LPAR3: variants seen among roughly 807,000 people sequenced by gnomAD.
The protein encoded by LPAR3 is LPA receptor 3.
LPAR3 carries 7 observed loss-of-function variants against 17.8 expected under a neutral mutation model. The observed-to-expected ratio is 0.39, with a 90% CI of 0.22 to 0.74. The LOEUF (loss-of-function observed/expected upper bound fraction) is 0.74. Among genes scored for constraint, LPAR3 ranks in the 30% least tolerant of loss-of-function variants. The pLI is 0.40. For missense variants in LPAR3, 391 were observed against 453.4 expected (o/e 0.86, Z 1.25); for synonymous variants, 179 against 179.9 (o/e 0.99, Z 0.04).
At chr1:84,817,154 G>A (rs1435144839) in intron 2 of LPAR3, among the ~76,000 whole-genome samples, 1 of 152,020 alleles carries the variant, frequency 6.6e-6, no homozygotes, top group South Asian at 2.1e-4. Flanking sequence ...AGCAGTCATA[G>A]TCTGAGCATT....
intron 2 of LPAR3, among the ~76,000 whole-genome samples, chr1:84,819,616 T>C (rs1358423514): frequency 6.6e-6 from 1 of 152,204 alleles, no homozygotes; most frequent in Non-Finnish European, 1.5e-5. Flanking sequence ...AGCACAGTTT[T>C]TTCAAATGAG....
At chr1:84,849,114 C>T (rs920708080) in intron 2 of LPAR3, among the ~76,000 whole-genome samples, 143 of 152,070 alleles carry the variant, frequency 9.4e-4, no homozygotes, top group African/African-American at 3.2e-3. Flanking sequence ...CAGTGGCTCA[C>T]GCCTATAATC....
At chr1:84,817,960 C>T (rs191809815) in intron 2 of LPAR3, among the ~76,000 whole-genome samples, 74 of 152,302 alleles carry the variant, frequency 4.9e-4, no homozygotes, top group Admixed American at 4.2e-3. Context: ...AGATGCTTTA[C>T]GGGCCACAGC....
At chr1:84,866,623 T>C (rs1332175361) in intron 1 of LPAR3, among the ~76,000 whole-genome samples, 1 of 152,232 alleles carries the variant, frequency 6.6e-6, no homozygotes, top group Non-Finnish European at 1.5e-5. Flanking sequence ...TGTTCATTAA[T>C]CAACGGCAGG....
chr1:84,852,051 A>ATT (rs11289460), intron 2 of LPAR3, among the ~76,000 whole-genome samples: 1 of 132,670 alleles, frequency 7.5e-6, no homozygotes, highest in African/African-American at 2.8e-5. Context: ...TTGGTGACTA[A>ATT]TTTTTTTTTT....
At chr1:84,892,868 G>A (rs957314336) in intron 1 of LPAR3, 148 bp downstream of exon 1, 1 of 152,300 alleles carries the variant, frequency 6.6e-6, no homozygotes, top group African/African-American at 2.4e-5. Flanking sequence ...GTTTGGAGTG[G>A]GTCTGGAGCC....
At chr1:84,872,026 G>A (rs572702006) in intron 1 of LPAR3, among the ~76,000 whole-genome samples, 2 of 152,160 alleles carry the variant, frequency 1.3e-5, no homozygotes, top group East Asian at 3.9e-4. Flanking sequence ...CTTCTATTTA[G>A]TCATTATGTC....
chr1:84,864,470 C>T (rs1660002148), intron 2 of LPAR3, among the ~76,000 whole-genome samples: 1 of 152,122 alleles, frequency 6.6e-6, no homozygotes, highest in South Asian at 2.1e-4. Context: ...TTTGCTATTG[C>T]CTCATTACAG....
intron 2 of LPAR3, among the ~76,000 whole-genome samples, chr1:84,853,700 C>A (rs978671812): frequency 3.9e-5 from 6 of 152,170 alleles, no homozygotes; most frequent in African/African-American, 1.4e-4. Context: ...TGAGCTACCT[C>A]CCATCCCCAG....
chr1:84,887,980 C>T (rs1226115908), intron 1 of LPAR3, among the ~76,000 whole-genome samples: 1 of 151,756 alleles, frequency 6.6e-6, no homozygotes, highest in African/African-American at 2.4e-5. Flanking sequence ...TGTTTTGTAT[C>T]AATGTCCATT....
At chr1:84,885,755 G>A (rs530982690) in intron 1 of LPAR3, among the ~76,000 whole-genome samples, 21 of 152,302 alleles carry the variant, frequency 1.4e-4, no homozygotes, top group Non-Finnish European at 2.4e-4. Context: ...TGGCAAAGGT[G>A]GTGGACACAG....
intron 2 of LPAR3, among the ~76,000 whole-genome samples, chr1:84,833,769 T>C (rs534208886): frequency 6.6e-6 from 1 of 152,324 alleles, no homozygotes; most frequent in Admixed American, 6.5e-5. Context: ...GGGGTGGCTG[T>C]AAGGGCTAAA....
intron 2 of LPAR3, among the ~76,000 whole-genome samples, chr1:84,836,735 C>G (rs977081545): frequency 2.0e-5 from 3 of 152,148 alleles, no homozygotes; most frequent in African/African-American, 7.2e-5. Flanking sequence ...ACAGTTATTT[C>G]TGTCCTTTCT....
intron 2 of LPAR3, among the ~76,000 whole-genome samples, chr1:84,839,182 T>C (rs1188620210): frequency 1.3e-5 from 2 of 152,240 alleles, no homozygotes; most frequent in African/African-American, 4.8e-5. Flanking sequence ...ACCAAGTGAA[T>C]GATCTTCAAG....
At chr1:84,886,234 T>C (rs61327179) in intron 1 of LPAR3, among the ~76,000 whole-genome samples, 3,031 of 152,324 alleles carry the variant, frequency 0.02, 98 homozygotes, top group African/African-American at 0.069. Context: ...CAGTTACTAA[T>C]ACTGTATTGA....
At chr1:84,819,235 C>T (rs922312868) in intron 2 of LPAR3, among the ~76,000 whole-genome samples, 3 of 152,208 alleles carry the variant, frequency 2.0e-5, no homozygotes, top group African/African-American at 7.2e-5. Flanking sequence ...CTTGACAACA[C>T]AGTAACCCTC....
chr1:84,826,953 AC>A (rs1010528807), intron 2 of LPAR3, among the ~76,000 whole-genome samples: 1 of 152,192 alleles, frequency 6.6e-6, no homozygotes, highest in African/African-American at 2.4e-5. Context: ...ACGGCAAGAA[AC>A]ACTATAAGAT....
rs1660030989 is a variant in LPAR3, at chr1:84,865,694, T to C, written c.427A>G (p.Lys143Glu). 6.2e-7 allele frequency: 1 copy of C among 1,614,010 alleles called. No homozygotes were observed. The highest frequency in any genetic ancestry group is 1.1e-5 in the South Asian group (1 of 91,078). ...AGCAAAATGAGCAGTGTCACCCTCTTTTTGGTCAGGTTGCTATGGACCCGC... is the reference window on the plus strand; with the variant it reads ...AGCAAAATGAGCAGTGTCACCCTCTCTTTGGTCAGGTTGCTATGGACCCGC... ...RMRVHSNLTK[K>E]RVTLLILLVW... The change falls in exon 2 of 3, where the codon AAG becomes GAG. Residue 143 changes from lysine to glutamate, a missense_variant. Lys to Glu is a moderately conservative substitution (Grantham distance 56). Transcript: ENST00000370611.
At chr1:84,892,576 G>C (rs560143133) in intron 1 of LPAR3, among the ~76,000 whole-genome samples, 1 of 152,228 alleles carries the variant, frequency 6.6e-6, no homozygotes, top group South Asian at 2.1e-4. Context: ...AGTACCAGAT[G>C]TAACTGGAGG....
Sources: gnomAD v4.1 joint callset for allele counts (sites outside exome capture counted in the v4.1 genomes callset) on GRCh38, gnomAD v4.1.1 for gene constraint, MANE v1.5 for transcripts, NCBI Gene and HGNC (gene_info 2026-07-23, HGNC 2026-07-21) for gene names.